ADAMTS3: variants seen among roughly 807,000 people sequenced by gnomAD.
ADAMTS3 encodes A disintegrin and metalloproteinase with thrombospondin motifs 3.
Under a neutral mutation model 129.0 loss-of-function variants are expected in ADAMTS3, and 73 were observed. The observed-to-expected ratio is 0.57, with a 90% confidence interval of 0.47 to 0.69. ADAMTS3 has a LOEUF of 0.69. Ranked by LOEUF, ADAMTS3 falls within the 30% of genes least tolerant of loss-of-function variation. The pLI is 0.00. For synonymous variants in ADAMTS3, 477 were observed against 510.8 expected (o/e 0.93, Z 0.89); for missense variants, 1,457 against 1,514.5 (o/e 0.96, Z 0.63).
In ADAMTS3 at chr4:72,408,858, A is replaced by G. The variant is rs979991236; in HGVS notation, c.661+5957T>C. Among the ~76,000 whole-genome samples, 11 of 152,018 alleles carry G rather than the reference A, an allele frequency of 7.2e-5. No homozygotes were observed. In the East Asian group the frequency reaches 1.2e-3, roughly 16 times the overall value. On this transcript the variant is annotated intron_variant, in intron 4 of 21. Coordinates refer to ENST00000286657, the MANE Select transcript of ADAMTS3 (RefSeq NM_014243.3). The stretch of plus-strand genomic sequence containing the variant: ...TCACAAGACCATAAAACCAAACACC[A>G]TGAACAATAACAACACATGGACACA...
chr4:72,523,936 T>C (rs557429291), intron 3 of ADAMTS3, among the ~76,000 whole-genome samples: 7 of 152,258 alleles, frequency 4.6e-5, no homozygotes, highest in African/African-American at 1.4e-4. Context: ...AATAACTAAT[T>C]TGCCTCTAAA....
At chr4:72,417,794 G>T (rs1004821068) in intron 3 of ADAMTS3, among the ~76,000 whole-genome samples, 63 of 151,434 alleles carry the variant, frequency 4.2e-4, no homozygotes, top group Admixed American at 2.2e-3. Flanking sequence ...TTTGCCAGGC[G>T]TGGTGGCAGG....
In ADAMTS3 at chr4:72,548,668, C is replaced by T. The variant is rs1052350008; in HGVS notation, c.314G>A (p.Gly105Glu). Reference protein sequence around the residue: ...LKPNTQLVAPGAVVEWHETSL... With the variant: ...LKPNTQLVAPEAVVEWHETSL... Reference sequence around the variant, plus strand: ...TGTCTCATGCCACTCCACAACAGCCCCAGGAGCTACTAGTTGAGTGTTGGG... The same window carrying T: ...TGTCTCATGCCACTCCACAACAGCCTCAGGAGCTACTAGTTGAGTGTTGGG... The change falls in exon 3 of 22, where the codon GGG becomes GAG. Residue 105 changes from glycine (G) to glutamate (E), a missense_variant. Gly to Glu is a moderately conservative substitution (Grantham distance 98). Coordinates refer to ENST00000286657, the MANE Select transcript of ADAMTS3 (RefSeq NM_014243.3). The T allele has an allele frequency of 5.6e-6, 9 of 1,613,952 alleles. No individual in the cohort carries two copies. Among genetic ancestry groups the T allele is most frequent in the African/African-American group, 1.3e-5 (1 of 74,998 alleles).
chr4:72,462,632 G>A (rs1050845181), intron 3 of ADAMTS3, among the ~76,000 whole-genome samples: 1 of 151,838 alleles, frequency 6.6e-6, no homozygotes, highest in Non-Finnish European at 1.5e-5. Context: ...GGCTAGTGAC[G>A]TCTTAATGAT....
chr4:72,337,679 T>C (rs543986031), intron 5 of ADAMTS3, among the ~76,000 whole-genome samples: 45 of 152,320 alleles, frequency 3.0e-4, no homozygotes, highest in Non-Finnish European at 4.6e-4. Flanking sequence ...AATACTTTTA[T>C]CACTTCATGA....
intron 21 of ADAMTS3, among the ~76,000 whole-genome samples, chr4:72,287,668 C>T (rs1718543486): frequency 6.6e-6 from 1 of 151,892 alleles, no homozygotes; most frequent in African/African-American, 2.4e-5. Context: ...AGAAAATGAG[C>T]CACATACAGG....
chr4:72,376,860 G>A (rs1405193763), intron 4 of ADAMTS3, among the ~76,000 whole-genome samples: 2 of 152,166 alleles, frequency 1.3e-5, no homozygotes, highest in East Asian at 1.9e-4. Context: ...GTGACTGAAC[G>A]CCTTGCCTAT....
At chr4:72,489,275 C>T (rs1204869289) in intron 3 of ADAMTS3, among the ~76,000 whole-genome samples, 1 of 151,860 alleles carries the variant, frequency 6.6e-6, no homozygotes, top group Non-Finnish European at 1.5e-5. Flanking sequence ...TGTACAGTAG[C>T]CCCCCTTTAT....
At chr4:72,543,389 C>T (rs182688365) in intron 3 of ADAMTS3, among the ~76,000 whole-genome samples, 1 of 152,190 alleles carries the variant, frequency 6.6e-6, no homozygotes, top group East Asian at 1.9e-4. Flanking sequence ...ACTGAACACA[C>T]AGTCTTGAAA....
In ADAMTS3 at chr4:72,305,970, C is replaced by A. The variant is rs761838956; in HGVS notation, c.2260+17G>T. Reference sequence around the variant, plus strand: ...TCAGTGCATGTTAAAGCAGAGACAGCAGACAGAAACACTTACCAAGAATAT... The same window carrying A: ...TCAGTGCATGTTAAAGCAGAGACAGAAGACAGAAACACTTACCAAGAATAT... On this transcript the variant is annotated intron_variant, in intron 16 of 21. Coordinates refer to ENST00000286657, the MANE Select transcript of ADAMTS3 (RefSeq NM_014243.3). The A allele has an allele frequency of 6.2e-6, 10 of 1,600,914 alleles. No individual in the cohort carries two copies. Among genetic ancestry groups the A allele is most frequent in the South Asian group, 1.1e-5 (1 of 89,990 alleles).
At chr4:72,319,280 T>C (rs1719487310) in intron 9 of ADAMTS3, 52 bp downstream of exon 9, 6 of 1,604,080 alleles carry the variant, frequency 3.7e-6, no homozygotes, top group East Asian at 4.5e-5. Flanking sequence ...GTCAGTTTCA[T>C]GTCTGTAGGC....
intron 3 of ADAMTS3, among the ~76,000 whole-genome samples, chr4:72,519,024 G>A (rs1720580441): frequency 1.3e-5 from 2 of 151,038 alleles, no homozygotes; most frequent in Admixed American, 6.6e-5. Context: ...CTCTTTTAGG[G>A]CAGGCCTGGT....
chr4:72,455,954 A>C (rs1718562544), intron 3 of ADAMTS3, among the ~76,000 whole-genome samples: 1 of 90,454 alleles, frequency 1.1e-5, no homozygotes, highest in Non-Finnish European at 2.0e-5. Context: ...TATACAGTAT[A>C]TATACTATAT....
chr4:72,496,770 A>G (rs1318181761), intron 3 of ADAMTS3, among the ~76,000 whole-genome samples: 1 of 152,018 alleles, frequency 6.6e-6, no homozygotes, highest in Non-Finnish European at 1.5e-5. Context: ...CTCACTTTAC[A>G]TGGACTTTTG....
intron 4 of ADAMTS3, among the ~76,000 whole-genome samples, chr4:72,366,295 C>A (rs933860735): frequency 5.9e-5 from 9 of 152,176 alleles, no homozygotes; most frequent in African/African-American, 2.2e-4. Flanking sequence ...TTCATCCCAC[C>A]AAACTTCTGC....
chr4:72,517,568 G>A (rs956657427), intron 3 of ADAMTS3, among the ~76,000 whole-genome samples: 2 of 152,178 alleles, frequency 1.3e-5, no homozygotes, highest in East Asian at 3.9e-4. Context: ...GTCTTGGGAG[G>A]GTGTATGTGT....
intron 4 of ADAMTS3, among the ~76,000 whole-genome samples, chr4:72,348,905 TC>T (rs1365895769): frequency 6.6e-6 from 1 of 151,886 alleles, no homozygotes; most frequent in African/African-American, 2.4e-5. Context: ...ATGGACTATT[TC>T]CCAGATCCTT....
intron 3 of ADAMTS3, among the ~76,000 whole-genome samples, chr4:72,443,993 A>AC (rs1718187008): frequency 6.6e-6 from 1 of 151,728 alleles, no homozygotes; most frequent in African/African-American, 2.4e-5. Context: ...AGTAATCACC[A>AC]TAGTGAATAG....
At chr4:72,419,708 C>T (rs1212124868) in intron 3 of ADAMTS3, among the ~76,000 whole-genome samples, 1 of 152,094 alleles carries the variant, frequency 6.6e-6, no homozygotes, top group African/African-American at 2.4e-5. Flanking sequence ...CCCACGAAAG[C>T]TAAAATACTG....
Sources: allele counts gnomAD v4.1 joint callset (sites outside exome capture counted in the v4.1 genomes callset), GRCh38; gene constraint gnomAD v4.1.1; transcripts MANE v1.5; gene names NCBI Gene and HGNC (gene_info 2026-07-23, HGNC 2026-07-21).